The following TTBK2 variants were observed in gnomAD, a reference collection of about 807,000 sequenced individuals.
TTBK2 encodes the protein tau-tubulin kinase 2.
A neutral mutation model predicts 110.8 loss-of-function variants in TTBK2; 28 were observed. The ratio of observed to expected loss-of-function variants is 0.25; its 90% CI spans 0.19 to 0.35. The LOEUF is 0.35. Ranked by LOEUF, TTBK2 falls within the 10% of genes least tolerant of loss-of-function variation. TTBK2 has a pLI of 1.00. For synonymous variants in TTBK2, 532 were observed against 527.3 expected, an observed-to-expected ratio of 1.01 and a Z score of -0.12; for missense variants, 1,369 against 1,500.3, an observed-to-expected ratio of 0.91 and a Z score of 1.45.
chr15:42,769,855 A>G (rs1889580850), intron 13 of TTBK2, among the ~76,000 whole-genome samples: 1 of 152,044 alleles, frequency 6.6e-6, no homozygotes, highest in Non-Finnish European at 1.5e-5. Context: ...TTGGAACCCA[A>G]ATGTCCATCA....
At chr15:42,867,238 T>G (rs1410586521) in intron 3 of TTBK2, among the ~76,000 whole-genome samples, 8 of 133,628 alleles carry the variant, frequency 6.0e-5, no homozygotes, top group African/African-American at 2.3e-4. Context: ...AGAGGGAGAC[T>G]CCGTCTCAAA....
intron 8 of TTBK2, 82 bp from the exon 9 acceptor site, chr15:42,810,821 G>A: frequency 6.6e-7 from 1 of 1,514,800 alleles, no homozygotes; most frequent in South Asian, 1.1e-5. Flanking sequence ...CCGTCTCAAG[G>A]GTATGTACTA....
At chr15:42,875,305 T>C (rs1028283987) in intron 2 of TTBK2, among the ~76,000 whole-genome samples, 1 of 152,172 alleles carries the variant, frequency 6.6e-6, no homozygotes, top group African/African-American at 2.4e-5. Context: ...AGAGGCAGTT[T>C]AGTATGATTG....
Position 42,777,072 on chromosome 15 carries a change from G to T in TTBK2, c.1368C>A (p.Thr456=), listed in dbSNP as rs1260629580. 2 of 1,614,092 alleles carry T rather than the reference G, an allele frequency of 1.2e-6. No individual in the cohort carries two copies. The highest frequency in any genetic ancestry group is 2.2e-5 in the South Asian group (2 of 91,074). The part of the protein sequence containing the change: ...IHSFELEKRL[T]LEPKPDTDKF... ...TGTCAGTGTCTGGCTTTGGCTCCAG[G>T]GTCAGACGTTTTTCCAGCTCAAAGC... Residue 456 remains threonine (T), a synonymous_variant, in exon 12 of 15, where the codon ACC becomes ACA. Coordinates refer to ENST00000267890, the MANE Select transcript of TTBK2 (RefSeq NM_173500.4).
chr15:42,879,437 C>A (rs945752704), intron 1 of TTBK2, among the ~76,000 whole-genome samples: 10 of 151,948 alleles, frequency 6.6e-5, no homozygotes, highest in African/African-American at 2.4e-4. Flanking sequence ...AAGAAATAAG[C>A]CAAAACTTAA....
At chr15:42,763,654 T>C (rs1225194398) in intron 13 of TTBK2, among the ~76,000 whole-genome samples, 1 of 152,192 alleles carries the variant, frequency 6.6e-6, no homozygotes. Context: ...GACATCACTA[T>C]GTACCTCATA....
intron 11 of TTBK2, among the ~76,000 whole-genome samples, chr15:42,781,094 T>C (rs1890160199): frequency 6.7e-6 from 1 of 149,932 alleles, no homozygotes; most frequent in African/African-American, 2.5e-5. Context: ...TGAGAAAAAA[T>C]AGAAAGATAA....
At chr15:42,747,635 G>T (rs1288194090) in intron 14 of TTBK2, among the ~76,000 whole-genome samples, 1 of 152,222 alleles carries the variant, frequency 6.6e-6, no homozygotes, top group Non-Finnish European at 1.5e-5. Flanking sequence ...AGGAGGCGGA[G>T]CTCAGGCGGT....
At chr15:42,766,981 A>C (rs1311850245) in intron 13 of TTBK2, among the ~76,000 whole-genome samples, 2 of 152,170 alleles carry the variant, frequency 1.3e-5, no homozygotes, top group Non-Finnish European at 2.9e-5. Flanking sequence ...TAAGAAACTC[A>C]CTCAAAACTG....
chr15:42,786,165 A>C (rs547955791), intron 10 of TTBK2, among the ~76,000 whole-genome samples: 1 of 152,336 alleles, frequency 6.6e-6, no homozygotes, highest in African/African-American at 2.4e-5. Context: ...CTAGTAAAGT[A>C]GTATCTGTAG....
At chr15:42,911,873 A>G (rs557225965) in intron 1 of TTBK2, among the ~76,000 whole-genome samples, 2 of 152,254 alleles carry the variant, frequency 1.3e-5, no homozygotes, top group East Asian at 3.9e-4. Context: ...GGGGTGTCCA[A>G]TCTTTTGGCT....
intron 3 of TTBK2, among the ~76,000 whole-genome samples, chr15:42,842,548 T>C (rs1893263618): frequency 1.3e-5 from 2 of 151,802 alleles, no homozygotes; most frequent in East Asian, 1.9e-4. Context: ...GATGAAACAC[T>C]AAAAAAAATT....
At chr15:42,890,337 C>T (rs1414838313) in intron 1 of TTBK2, among the ~76,000 whole-genome samples, 3 of 152,198 alleles carry the variant, frequency 2.0e-5, no homozygotes, top group East Asian at 1.9e-4. Flanking sequence ...GTGGCCTCTT[C>T]ATATGGACAT....
At chr15:42,768,870 G>C (rs1391476707) in intron 13 of TTBK2, among the ~76,000 whole-genome samples, 2 of 152,228 alleles carry the variant, frequency 1.3e-5, no homozygotes, top group East Asian at 1.9e-4. Context: ...GTACTACAAG[G>C]CTACAGTAAC....
chr15:42,809,704 A>G lies in TTBK2; in HGVS notation c.822+910T>C, dbSNP rs79611359. Among the ~76,000 whole-genome samples the G allele has an allele frequency of 6.6e-3, 1,000 of 152,368 alleles. 6 individuals carry two copies. Among genetic ancestry groups the G allele is most frequent in the Middle Eastern group, 0.017 (5 of 294 alleles). ...GCTTACAACACAAATTGGCATATGCATGAGAAGACAAACTCACCAATTTAA... is the reference window on the plus strand; with the variant it reads ...GCTTACAACACAAATTGGCATATGCGTGAGAAGACAAACTCACCAATTTAA... On this transcript the variant is annotated intron_variant, in intron 9 of 14. Transcript: ENST00000267890.
intron 10 of TTBK2, among the ~76,000 whole-genome samples, chr15:42,786,138 A>T (rs75934566): frequency 6.6e-6 from 1 of 151,532 alleles, no homozygotes; most frequent in African/African-American, 2.4e-5. Context: ...AGAAAGAAAA[A>T]AAAAAAAACT....
chr15:42,757,953 G>A (rs1027415458), intron 13 of TTBK2, among the ~76,000 whole-genome samples: 4 of 152,048 alleles, frequency 2.6e-5, no homozygotes, highest in African/African-American at 9.7e-5. Context: ...TTATTTAATA[G>A]TTCAGGTAAA....
At chr15:42,746,505 G>A (rs938493043) in intron 14 of TTBK2, among the ~76,000 whole-genome samples, 5 of 152,166 alleles carry the variant, frequency 3.3e-5, no homozygotes, top group South Asian at 2.1e-4. Flanking sequence ...ACCCAAGTAC[G>A]TAGATGAACA....
At chr15:42,753,556 G>C (rs960652606) in intron 13 of TTBK2, among the ~76,000 whole-genome samples, 1 of 152,124 alleles carries the variant, frequency 6.6e-6, no homozygotes, top group East Asian at 1.9e-4. Flanking sequence ...TTTCTGATTT[G>C]TGGTTAGATC....
Sources: gnomAD v4.1 joint callset for allele counts (sites outside exome capture counted in the v4.1 genomes callset) on GRCh38, gnomAD v4.1.1 for gene constraint, MANE v1.5 for transcripts, NCBI Gene and HGNC (gene_info 2026-07-23, HGNC 2026-07-21) for gene names.